The following CCL28 variants were observed in gnomAD, a reference collection of about 807,000 sequenced individuals.
CCL28 encodes C-C motif chemokine ligand 28.
CCL28 carries 4 observed loss-of-function variants against 7.1 expected under a neutral mutation model. The ratio of observed to expected loss-of-function variants is 0.56; its 90% CI spans 0.28 to 1.29. The LOEUF (loss-of-function observed/expected upper bound fraction) is 1.29. CCL28 is among the 50% of genes most tolerant of loss of function. The pLI is 0.11. For synonymous variants in CCL28, 55 were observed against 57.8 expected, an observed-to-expected ratio of 0.95 and a Z score of 0.22; for missense variants, 151 against 163.4, an observed-to-expected ratio of 0.92 and a Z score of 0.41.
At chr5:43,398,244 C>A (rs1251762376) in intron 1 of CCL28, among the ~76,000 whole-genome samples, 1 of 151,720 alleles carries the variant, frequency 6.6e-6, no homozygotes, top group Non-Finnish European at 1.5e-5. Context: ...TAGATAAGAT[C>A]TTGCTCTGTC....
At chr5:43,407,195 GCAAA>G (rs1441642791) in intron 1 of CCL28, among the ~76,000 whole-genome samples, 122 of 152,228 alleles carry the variant, frequency 8.0e-4, no homozygotes, top group African/African-American at 2.8e-3. Context: ...ACAATCCTAA[GCAAA>G]ACAGAACAAA....
chr5:43,377,206 G>A (rs771230651), downstream of CCL28: 2 of 152,236 alleles, frequency 1.3e-5, no homozygotes, highest in Non-Finnish European at 1.5e-5. Context: ...AGCCTAATAC[G>A]TAGGCCAGGT....
At chr5:43,364,274 A>G in the CCL28 span, among the ~76,000 whole-genome samples, 1 of 151,848 alleles carries the variant, frequency 6.6e-6, no homozygotes, top group South Asian at 2.1e-4. Context: ...AAAGGAAAGG[A>G]CAGTAATTTT....
At chr5:43,407,059 A>G (rs956358625) in intron 1 of CCL28, among the ~76,000 whole-genome samples, 1 of 152,240 alleles carries the variant, frequency 6.6e-6, no homozygotes, top group African/African-American at 2.4e-5. Context: ...GAAAATGGCC[A>G]TACTGCCCAA....
At chr5:43,358,275 T>C in the CCL28 span, among the ~76,000 whole-genome samples, 2 of 152,146 alleles carry the variant, frequency 1.3e-5, no homozygotes, top group Non-Finnish European at 2.9e-5. Flanking sequence ...AACACCTCAT[T>C]GTACAAAGTA....
downstream of CCL28, chr5:43,379,135 A>G (rs1395518220): frequency 2.6e-5 from 4 of 152,236 alleles, no homozygotes; most frequent in South Asian, 2.1e-4. Flanking sequence ...CGATCTAGTA[A>G]GAAGAAATAA....
the CCL28 span, among the ~76,000 whole-genome samples, chr5:43,370,746 T>C: frequency 4.1e-5 from 6 of 148,008 alleles, no homozygotes; most frequent in South Asian, 2.1e-4. Flanking sequence ...TTCTCTCTCT[T>C]TTTTTTTTTT....
chr5:43,358,766 A>G, the CCL28 span, among the ~76,000 whole-genome samples: 20 of 152,230 alleles, frequency 1.3e-4, no homozygotes, highest in Admixed American at 4.6e-4. Flanking sequence ...TAAACAAACC[A>G]ATGTTAATTA....
At chr5:43,370,185 A>G in the CCL28 span, among the ~76,000 whole-genome samples, 1 of 152,188 alleles carries the variant, frequency 6.6e-6, no homozygotes, top group Non-Finnish European at 1.5e-5. Flanking sequence ...AATTTTGAGA[A>G]ATAATAAATT....
chr5:43,403,438 C>T (rs940852220), intron 1 of CCL28, among the ~76,000 whole-genome samples: 6 of 152,224 alleles, frequency 3.9e-5, no homozygotes, highest in African/African-American at 1.4e-4. Context: ...AACAGACCTG[C>T]AGCTGAGGGT....
chr5:43,364,303 A>ATGTG, the CCL28 span, among the ~76,000 whole-genome samples: 251 of 151,570 alleles, frequency 1.7e-3, 1 homozygote, highest in African/African-American at 2.1e-3. Flanking sequence ...GCAAAACTAT[A>ATGTG]TATGTGTGTG....
chr5:43,386,029 G>T (rs1330864267), intron 2 of CCL28, among the ~76,000 whole-genome samples: 10 of 152,038 alleles, frequency 6.6e-5, no homozygotes, highest in Non-Finnish European at 5.9e-5. Context: ...AGCCTTTCTG[G>T]GAGTCCTATT....
the CCL28 span, among the ~76,000 whole-genome samples, chr5:43,361,970 G>A: frequency 6.6e-6 from 1 of 151,936 alleles, no homozygotes; most frequent in Non-Finnish European, 1.5e-5. Context: ...GATTGCCTTG[G>A]CTATTCAGGC....
At chr5:43,366,675 T>C in the CCL28 span, among the ~76,000 whole-genome samples, 1 of 152,278 alleles carries the variant, frequency 6.6e-6, no homozygotes. Context: ...TCAAGTGCTA[T>C]GCTGGGAGAT....
downstream of CCL28, among the ~76,000 whole-genome samples, chr5:43,374,674 A>C (rs1403050768): frequency 6.6e-6 from 1 of 151,726 alleles, no homozygotes; most frequent in Non-Finnish European, 1.5e-5. Flanking sequence ...CCAGCTACTC[A>C]GGAAGCTGAG....
chr5:43,390,251 A>G (rs1328199354), intron 1 of CCL28, among the ~76,000 whole-genome samples: 1 of 152,240 alleles, frequency 6.6e-6, no homozygotes, highest in Non-Finnish European at 1.5e-5. Context: ...GAAAATAACC[A>G]GCTTATGTTC....
At chr5:43,382,834 G>C (rs1248943423) in intron 2 of CCL28, among the ~76,000 whole-genome samples, 1 of 150,974 alleles carries the variant, frequency 6.6e-6, no homozygotes, top group Non-Finnish European at 1.5e-5. Flanking sequence ...TTTGTTTTTG[G>C]TGAGATGGAG....
At chr5:43,396,586 G>A (rs909866017) in intron 1 of CCL28, among the ~76,000 whole-genome samples, 2 of 152,060 alleles carry the variant, frequency 1.3e-5, no homozygotes, top group Non-Finnish European at 2.9e-5. Flanking sequence ...GGTTAAAGAG[G>A]AAACCACAAA....
chr5:43,377,808 C>T (rs1193240045), downstream of CCL28, among the ~76,000 whole-genome samples: 3 of 132,462 alleles, frequency 2.3e-5, no homozygotes, highest in East Asian at 6.9e-4. Flanking sequence ...TCTCGGCTCA[C>T]TGCAAGCTCC....
Sources: allele counts gnomAD v4.1 joint callset (sites outside exome capture counted in the v4.1 genomes callset), GRCh38; gene constraint gnomAD v4.1.1; transcripts MANE v1.5; gene names NCBI Gene and HGNC (gene_info 2026-07-23, HGNC 2026-07-21).